FSTL4: variants seen among roughly 807,000 people sequenced by gnomAD.
The protein encoded by FSTL4 is follistatin-related protein 4.
FSTL4 carries 28 observed loss-of-function variants against 78.2 expected under a neutral mutation model. The ratio of observed to expected loss-of-function variants is 0.36; its 90% CI spans 0.27 to 0.49. FSTL4 has a LOEUF of 0.49. FSTL4 is among the 20% of genes least tolerant of loss of function. The pLI, the probability that FSTL4 is intolerant of heterozygous loss-of-function variation, is 0.98. For synonymous variants in FSTL4, 422 were observed against 440.5 expected, an observed-to-expected ratio of 0.96 and a Z score of 0.53; for missense variants, 922 against 1,084.9, an observed-to-expected ratio of 0.85 and a Z score of 2.11.
chr5:133,386,658 T>C (rs986403502), intron 4 of FSTL4, among the ~76,000 whole-genome samples: 3 of 152,094 alleles, frequency 2.0e-5, no homozygotes, highest in African/African-American at 7.2e-5. Flanking sequence ...GCCTGGCACA[T>C]AAACGAGATC....
At chr5:133,228,879 C>T (rs946560520) in intron 8 of FSTL4, among the ~76,000 whole-genome samples, 2 of 152,184 alleles carry the variant, frequency 1.3e-5, no homozygotes, top group Non-Finnish European at 2.9e-5. Context: ...CAATGTCACA[C>T]TGGATGTTGT....
the FSTL4 span, among the ~76,000 whole-genome samples, chr5:133,703,340 A>T: frequency 6.6e-6 from 1 of 152,194 alleles, no homozygotes; most frequent in African/African-American, 2.4e-5. Context: ...CATAGCCATC[A>T]ACTTTGAAGG....
intron 3 of FSTL4, among the ~76,000 whole-genome samples, chr5:133,545,319 G>T (rs2545542): frequency 6.6e-6 from 1 of 151,890 alleles, no homozygotes; most frequent in Non-Finnish European, 1.5e-5. Flanking sequence ...TGCCACTCTC[G>T]CAGGACTGGA....
chr5:133,628,612 G>A, the FSTL4 span, among the ~76,000 whole-genome samples: 2 of 151,926 alleles, frequency 1.3e-5, no homozygotes, highest in Admixed American at 6.6e-5. Flanking sequence ...CACCCACCTC[G>A]GCCTCCCTAA....
At chr5:133,565,295 T>C (rs1422504789) in intron 3 of FSTL4, among the ~76,000 whole-genome samples, 1 of 152,220 alleles carries the variant, frequency 6.6e-6, no homozygotes, top group Non-Finnish European at 1.5e-5. Flanking sequence ...ACTTGTACAC[T>C]GTTCTGGAGA....
chr5:133,733,209 T>C, the FSTL4 span, among the ~76,000 whole-genome samples: 5 of 152,250 alleles, frequency 3.3e-5, no homozygotes, highest in African/African-American at 1.2e-4. Flanking sequence ...CTTCATTGGT[T>C]ATAACACTCT....
intron 3 of FSTL4, among the ~76,000 whole-genome samples, chr5:133,417,976 A>AAAG (rs1421966550): frequency 6.7e-6 from 1 of 149,188 alleles, no homozygotes; most frequent in African/African-American, 2.4e-5. Flanking sequence ...AAAAAAAAAA[A>AAAG]AAAAAAAAAA....
rs529274596 is a variant in FSTL4 at position 133,499,113 on chromosome 5, C to G, written c.160+68073G>C. Among the ~76,000 whole-genome samples, 105 of 152,132 alleles carry G rather than the reference C, an allele frequency of 6.9e-4. No homozygotes were observed. In the South Asian group the frequency reaches 0.021, roughly 30 times the overall value. On this transcript the variant is annotated intron_variant, in intron 3 of 15. Coordinates refer to ENST00000265342, the MANE Select transcript of FSTL4 (RefSeq NM_015082.2). ...AGAATGAATCCAAGTCATATATGCC[C>G]AGTTCGACCACACAGTTGCAGACTG... is the stretch of plus-strand genomic sequence containing the variant.
chr5:133,771,212 T>C, the FSTL4 span, among the ~76,000 whole-genome samples: 8,562 of 152,212 alleles, frequency 0.056, 297 homozygotes, highest in East Asian at 0.12. Context: ...AGGCTCTTTT[T>C]TGATTCCATA....
chr5:133,348,700 A>G (rs1367101608), intron 4 of FSTL4, among the ~76,000 whole-genome samples: 1 of 152,210 alleles, frequency 6.6e-6, no homozygotes, highest in Non-Finnish European at 1.5e-5. Flanking sequence ...CTCAGAACTC[A>G]TAGCCGGCTA....
chr5:133,746,093 A>T, the FSTL4 span, among the ~76,000 whole-genome samples: 1 of 152,266 alleles, frequency 6.6e-6, no homozygotes, highest in African/African-American at 2.4e-5. Context: ...AATAAAACAA[A>T]GAAAATTAAT....
the FSTL4 span, among the ~76,000 whole-genome samples, chr5:133,751,167 C>A: frequency 6.6e-6 from 1 of 152,168 alleles, no homozygotes; most frequent in African/African-American, 2.4e-5. Flanking sequence ...GCCAGTCATG[C>A]CTGTCCCAAA....
chr5:133,596,879 G>C (rs2112972671), intron 2 of FSTL4, among the ~76,000 whole-genome samples: 1 of 152,346 alleles, frequency 6.6e-6, no homozygotes, highest in South Asian at 2.1e-4. Flanking sequence ...AAACAAGGCT[G>C]ATTTTTATTA....
the FSTL4 span, among the ~76,000 whole-genome samples, chr5:133,841,786 T>C: frequency 6.6e-6 from 1 of 152,172 alleles, no homozygotes; most frequent in African/African-American, 2.4e-5. Context: ...CATGAGCCCC[T>C]CACCTGCCAT....
chr5:133,678,271 G>A, the FSTL4 span, among the ~76,000 whole-genome samples: 1 of 152,068 alleles, frequency 6.6e-6, no homozygotes, highest in Non-Finnish European at 1.5e-5. Context: ...CAAACTCTAG[G>A]GAGACAGAAA....
intron 4 of FSTL4, among the ~76,000 whole-genome samples, chr5:133,341,258 TAAA>T (rs577825241): frequency 9.9e-6 from 1 of 101,508 alleles, no homozygotes; most frequent in African/African-American, 3.8e-5. Flanking sequence ...TAGGGGAAAG[TAAA>T]AAAAAAAAAC....
chr5:133,312,482 C>T (rs554018037), intron 6 of FSTL4, 172 bp downstream of exon 6: 102 of 626,130 alleles, frequency 1.6e-4, no homozygotes, highest in Middle Eastern at 8.7e-4. Context: ...ATCCACTCTC[C>T]GTTTAGTCTT....
the FSTL4 span, among the ~76,000 whole-genome samples, chr5:133,786,330 G>A: frequency 9.9e-5 from 15 of 152,170 alleles, no homozygotes; most frequent in Non-Finnish European, 1.8e-4. Context: ...GGGCCAAAAC[G>A]GAGGCCAGAT....
At position 133,268,545 on chromosome 5, in the gene FSTL4, C is replaced by T. The variant is rs373692829; in HGVS notation, c.728-18969G>A. ...GGTCAAATGGGAGGTGGTGGAGGCC[C>T]GGCTCATTTGTCTTGGTAGCCCGGC... On this transcript the variant is annotated intron_variant, in intron 6 of 15. Coordinates refer to ENST00000265342, the MANE Select transcript of FSTL4 (RefSeq NM_015082.2). Among the ~76,000 whole-genome samples the T allele has an allele frequency of 4.6e-5, 7 of 152,246 alleles. No individual in the cohort carries two copies. The East Asian group carries it at 1.2e-3, about 25-fold the overall frequency.
Sources: allele counts gnomAD v4.1 joint callset (sites outside exome capture counted in the v4.1 genomes callset), GRCh38; gene constraint gnomAD v4.1.1; transcripts MANE v1.5; gene names NCBI Gene and HGNC (gene_info 2026-07-23, HGNC 2026-07-21).